The following SSBP2 variants were observed in gnomAD, a reference collection of about 807,000 sequenced individuals.
SSBP2 encodes the protein single stranded DNA binding protein 2.
In SSBP2, 17 loss-of-function variants were observed where a neutral mutation model predicts 61.8. That is an observed-to-expected ratio of 0.28 (90% CI 0.19 to 0.41). The LOEUF is 0.41. Ranked by LOEUF, SSBP2 falls within the 10% of genes least tolerant of loss-of-function variation. The probability of loss-of-function intolerance (pLI) is 1.00; values close to 1 mark genes in which losing one functional copy is unlikely to be tolerated. For synonymous variants in SSBP2, 139 were observed against 141.3 expected (o/e 0.98, Z 0.12); for missense variants, 310 against 458.7 (o/e 0.68, Z 2.96).
intron 1 of SSBP2, among the ~76,000 whole-genome samples, chr5:81,682,212 C>T (rs113296503): frequency 1.1e-3 from 162 of 152,274 alleles, no homozygotes; most frequent in African/African-American, 3.5e-3. Context: ...CTCATTCTAT[C>T]AATACCAAAA....
chr5:81,719,201 G>C (rs952603597), intron 1 of SSBP2, among the ~76,000 whole-genome samples: 1 of 152,030 alleles, frequency 6.6e-6, no homozygotes, highest in Non-Finnish European at 1.5e-5. Flanking sequence ...AAATTCATGG[G>C]GTGTTTTCAA....
At chr5:81,657,036 G>A (rs1393773868) in intron 1 of SSBP2, among the ~76,000 whole-genome samples, 1 of 152,114 alleles carries the variant, frequency 6.6e-6, no homozygotes, top group African/African-American at 2.4e-5. Flanking sequence ...AGTTCAAACA[G>A]TATCTTTTAT....
chr5:81,716,818 A>G (rs1755200012), intron 1 of SSBP2, among the ~76,000 whole-genome samples: 1 of 152,226 alleles, frequency 6.6e-6, no homozygotes, highest in African/African-American at 2.4e-5. Flanking sequence ...AAGTAAACTT[A>G]AAAGTGACAT....
At chr5:81,420,654 C>A in intron 16 of SSBP2, 121 bp from the exon 17 acceptor site, 1 of 758,488 alleles carries the variant, frequency 1.3e-6, no homozygotes, top group East Asian at 2.7e-5. Context: ...GCAAGCTTTT[C>A]ATCTCATACA....
rs542104166 is a variant in SSBP2, at chr5:81,525,012, A to G, written c.283-11295T>C. On this transcript the variant is annotated intron_variant, in intron 4 of 16. Transcript: ENST00000320672. The stretch of plus-strand genomic sequence containing the variant: ...AATCTAGGATTCACCATTCATATCA[A>G]CTTGCTGATGGTCTCTATTTTGACC... Among the ~76,000 whole-genome samples the G allele has an allele frequency of 5.4e-4, 82 of 152,066 alleles. 2 individuals carry two copies. Among genetic ancestry groups the G allele is most frequent in the Non-Finnish European group, 4.0e-4 (27 of 67,930 alleles).
intron 5 of SSBP2, among the ~76,000 whole-genome samples, chr5:81,500,016 T>C (rs1767578923): frequency 6.6e-6 from 1 of 152,250 alleles, no homozygotes; most frequent in African/African-American, 2.4e-5. Flanking sequence ...GATAACAGCA[T>C]TTGTTAAAGA....
chr5:81,624,437 G>T (rs141554782), intron 3 of SSBP2, among the ~76,000 whole-genome samples: 18 of 151,948 alleles, frequency 1.2e-4, no homozygotes, highest in African/African-American at 2.7e-4. Context: ...AATTTTTTTT[G>T]ATTTTGAAAT....
rs190800397 is a variant in SSBP2, at chr5:81,537,913, T to A, written c.283-24196A>T. Among the ~76,000 whole-genome samples, 546 of 152,112 alleles carry A rather than the reference T, an allele frequency of 3.6e-3. 4 individuals are homozygous for A. The highest frequency in any genetic ancestry group is 0.013 in the African/African-American group (521 of 41,498). ...TTCATGCAAAAGGAAAAAGTTGCACTCTCCCATTTTAAAACAAAAGCTAAA... is the reference window on the plus strand; with the variant it reads ...TTCATGCAAAAGGAAAAAGTTGCACACTCCCATTTTAAAACAAAAGCTAAA... On this transcript the variant is annotated intron_variant, in intron 4 of 16. Transcript: ENST00000320672.
intron 1 of SSBP2, among the ~76,000 whole-genome samples, chr5:81,695,384 T>C (rs1200285978): frequency 6.6e-6 from 1 of 152,178 alleles, no homozygotes; most frequent in Admixed American, 6.5e-5. Context: ...AGTTCTAGGG[T>C]ACATGTGCAC....
At chr5:81,505,160 G>C (rs934301611) in intron 5 of SSBP2, among the ~76,000 whole-genome samples, 1 of 148,900 alleles carries the variant, frequency 6.7e-6, no homozygotes, top group Admixed American at 6.7e-5. Flanking sequence ...GTTTTTTTTT[G>C]TAAGTGAAGT....
chr5:81,714,232 T>C (rs1035659218), intron 1 of SSBP2, among the ~76,000 whole-genome samples: 1 of 152,252 alleles, frequency 6.6e-6, no homozygotes, highest in Admixed American at 6.5e-5. Flanking sequence ...GCAAAGGACA[T>C]GAACTCATCC....
intron 5 of SSBP2, among the ~76,000 whole-genome samples, chr5:81,500,163 A>G (rs1320723649): frequency 6.6e-6 from 1 of 152,194 alleles, no homozygotes; most frequent in Non-Finnish European, 1.5e-5. Flanking sequence ...CACTCAACTC[A>G]TATCTGAACT....
intron 6 of SSBP2, among the ~76,000 whole-genome samples, chr5:81,488,628 G>A (rs1002987100): frequency 6.6e-6 from 1 of 151,582 alleles, no homozygotes; most frequent in African/African-American, 2.4e-5. Context: ...ATGTATACAT[G>A]TGCCATGCTG....
In SSBP2 at chr5:81,685,284, T is replaced by C. The variant is rs149359375; in HGVS notation, c.63-34945A>G. On this transcript the variant is annotated intron_variant, in intron 1 of 16. Transcript: ENST00000320672. ...GCAGCATAACAATAGACTAATACAG[T>C]ATGATACTACAATGGTTAATATATA... 2.5e-4 allele frequency among the ~76,000 whole-genome samples: 38 copies of C among 152,286 alleles called. No individual in the cohort carries two copies. The East Asian group carries it at 6.4e-3, about 26-fold the overall frequency.
chr5:81,517,637 T>C (rs191419943), intron 4 of SSBP2, among the ~76,000 whole-genome samples: 43 of 152,130 alleles, frequency 2.8e-4, no homozygotes, highest in African/African-American at 5.3e-4. Flanking sequence ...TTTGAACTTA[T>C]ATCATTCTAC....
intron 5 of SSBP2, among the ~76,000 whole-genome samples, chr5:81,490,056 A>G (rs1414334080): frequency 7.2e-5 from 11 of 152,184 alleles, no homozygotes; most frequent in African/African-American, 2.6e-4. Context: ...AATTGACTAC[A>G]AATTTTAAAG....
chr5:81,715,506 C>T (rs1207481811), intron 1 of SSBP2, among the ~76,000 whole-genome samples: 1 of 152,100 alleles, frequency 6.6e-6, no homozygotes, highest in Non-Finnish European at 1.5e-5. Flanking sequence ...AAGGTATTTA[C>T]AAACAGAATA....
chr5:81,636,706 A>C, intron 2 of SSBP2, 88 bp from the exon 3 acceptor site: 1 of 993,582 alleles, frequency 1.0e-6, no homozygotes, highest in Non-Finnish European at 1.5e-6. Flanking sequence ...TTAAAATACT[A>C]TAGTAATATT....
intron 11 of SSBP2, 44 bp downstream of exon 11, chr5:81,448,746 T>G (rs767613548): frequency 6.3e-7 from 1 of 1,578,706 alleles, no homozygotes; most frequent in South Asian, 1.1e-5. Context: ...CCAAATAAAA[T>G]GTAACATCAA....
Sources: gnomAD v4.1 joint callset for allele counts (sites outside exome capture counted in the v4.1 genomes callset) on GRCh38, gnomAD v4.1.1 for gene constraint, MANE v1.5 for transcripts, NCBI Gene and HGNC (gene_info 2026-07-23, HGNC 2026-07-21) for gene names.